Variants in TEX9 observed in about 807,000 individuals in gnomAD.
TEX9 encodes testis expressed 9.
Under a neutral mutation model 59.6 loss-of-function variants are expected in TEX9, and 74 were observed. The ratio of observed to expected loss-of-function variants is 1.24; its 90% CI spans 1.03 to 1.51. The LOEUF is 1.51. TEX9 is among the 40% of genes most tolerant of loss of function. The pLI is 0.00. For synonymous variants in TEX9, 186 were observed against 152.2 expected (o/e 1.22, Z -1.64); for missense variants, 522 against 447.8 (o/e 1.17, Z -1.49).
intron 6 of TEX9, 126 bp from the exon 7 acceptor site, chr15:56,391,117 A>G: frequency 2.0e-6 from 1 of 491,298 alleles, no homozygotes; most frequent in Non-Finnish European, 3.3e-6. Context: ...AGATTTCATC[A>G]TAAATTTAAA....
At chr15:56,263,741 T>C (rs1307742024) in intron 1 of TEX9, among the ~76,000 whole-genome samples, 3 of 152,240 alleles carry the variant, frequency 2.0e-5, no homozygotes, top group Non-Finnish European at 2.9e-5. Flanking sequence ...TGACAACTAC[T>C]GACCTCTTTT....
intron 12 of TEX9, chr15:56,428,819 T>A (rs546914444): frequency 2.7e-6 from 1 of 376,552 alleles, no homozygotes; most frequent in African/African-American, 2.1e-5. Flanking sequence ...GGGGTAGAGT[T>A]CTGTATTAGT....
intron 12 of TEX9, among the ~76,000 whole-genome samples, chr15:56,442,009 G>A (rs1320716009): frequency 1.3e-5 from 2 of 151,840 alleles, no homozygotes; most frequent in Non-Finnish European, 2.9e-5. Flanking sequence ...GACAGAGCGA[G>A]ACTCCCATCT....
intron 1 of TEX9, among the ~76,000 whole-genome samples, chr15:56,286,559 T>C (rs1165043750): frequency 3.9e-5 from 6 of 152,118 alleles, no homozygotes; most frequent in African/African-American, 1.4e-4. Flanking sequence ...TCTAGAATTG[T>C]AGAGACCATT....
intron 9 of TEX9, chr15:56,408,375 CT>C (rs2049179270): frequency 6.6e-6 from 1 of 152,188 alleles, no homozygotes; most frequent in South Asian, 2.1e-4. Context: ...ATTAATTTGG[CT>C]TCTGGAGCAC....
At chr15:56,431,852 AC>A (rs2050606063) in intron 12 of TEX9, among the ~76,000 whole-genome samples, 1 of 152,014 alleles carries the variant, frequency 6.6e-6, no homozygotes, top group Non-Finnish European at 1.5e-5. Flanking sequence ...ACAGTGTAAA[AC>A]AAAAAATAGT....
At chr15:56,423,813 T>A (rs144245633) in intron 10 of TEX9, among the ~76,000 whole-genome samples, 1 of 152,280 alleles carries the variant, frequency 6.6e-6, no homozygotes, top group African/African-American at 2.4e-5. Context: ...ACAGGTGGTG[T>A]TGGTTACACA....
intron 1 of TEX9, among the ~76,000 whole-genome samples, chr15:56,283,501 T>C (rs1330900057): frequency 2.0e-5 from 3 of 152,116 alleles, no homozygotes; most frequent in Non-Finnish European, 2.9e-5. Flanking sequence ...ATTTAATCAA[T>C]GGAAAAGGAC....
intron 1 of TEX9, among the ~76,000 whole-genome samples, chr15:56,339,404 A>AAAAAAAAAC (rs1567091417): frequency 7.9e-5 from 11 of 138,688 alleles, no homozygotes; most frequent in Admixed American, 2.2e-4. Context: ...AAAAAAAAAA[A>AAAAAAAAAC]AAAAAAAAAA....
chr15:56,265,154 C>G (rs1467788865), intron 1 of TEX9, among the ~76,000 whole-genome samples: 2 of 149,228 alleles, frequency 1.3e-5, no homozygotes, highest in Non-Finnish European at 3.0e-5. Context: ...TTCTGATTTC[C>G]TTTTCTTTCT....
At chr15:56,292,181 C>G (rs574975125) in intron 1 of TEX9, among the ~76,000 whole-genome samples, 6 of 152,308 alleles carry the variant, frequency 3.9e-5, no homozygotes, top group African/African-American at 1.4e-4. Flanking sequence ...GCATCATGTT[C>G]TTGGAGATTT....
At chr15:56,394,376 A>G (rs542695863) in intron 8 of TEX9, 129 bp downstream of exon 8, 27 of 781,124 alleles carry the variant, frequency 3.5e-5, no homozygotes, top group Middle Eastern at 7.8e-4. Context: ...AAAATTGTAT[A>G]TAAGTACTGA....
chr15:56,249,253 G>A (rs1406706674), intron 1 of TEX9: 1 of 152,116 alleles, frequency 6.6e-6, no homozygotes, highest in African/African-American at 2.4e-5. Flanking sequence ...AAAGTTGTCT[G>A]ACAAGAGCTC....
intron 1 of TEX9, chr15:56,248,731 T>C (rs978364260): frequency 6.6e-6 from 1 of 152,216 alleles, no homozygotes; most frequent in Non-Finnish European, 1.5e-5. Context: ...AGAAATTTGA[T>C]ATCTTAGAAA....
At chr15:56,417,054 T>C in intron 10 of TEX9, among the ~76,000 whole-genome samples, 1 of 151,720 alleles carries the variant, frequency 6.6e-6, no homozygotes, top group African/African-American at 2.4e-5. Context: ...GTAGTAACAT[T>C]CCCTTTGTCA....
chr15:56,446,326 G>A (rs1004834847), downstream of TEX9, among the ~76,000 whole-genome samples: 1 of 151,984 alleles, frequency 6.6e-6, no homozygotes, highest in Non-Finnish European at 1.5e-5. Context: ...CACTCCTAGT[G>A]AGTATGCCTG....
At chr15:56,443,947 A>C in intron 12 of TEX9, 1 of 1,007,804 alleles carries the variant, frequency 9.9e-7, no homozygotes, top group South Asian at 2.0e-5. Context: ...GAAAAACACT[A>C]TAGTTTTTTC....
At chr15:56,270,582 T>C (rs1383935532) in intron 1 of TEX9, among the ~76,000 whole-genome samples, 1 of 152,238 alleles carries the variant, frequency 6.6e-6, no homozygotes, top group Non-Finnish European at 1.5e-5. Flanking sequence ...CTTGACTCTT[T>C]ATCCAATTTG....
intron 10 of TEX9, among the ~76,000 whole-genome samples, chr15:56,423,605 C>A (rs1245826173): frequency 6.6e-6 from 1 of 151,952 alleles, no homozygotes; most frequent in Non-Finnish European, 1.5e-5. Flanking sequence ...GTTGTGCAAC[C>A]ATCACCACAA....
Sources: gnomAD v4.1 joint callset for allele counts (sites outside exome capture counted in the v4.1 genomes callset) on GRCh38, gnomAD v4.1.1 for gene constraint, MANE v1.5 for transcripts, NCBI Gene and HGNC (gene_info 2026-07-23, HGNC 2026-07-21) for gene names.